Variants in ARMH3 observed in about 807,000 individuals in gnomAD.
ARMH3 encodes armadillo like helical domain containing 3.
ARMH3 carries 60 observed loss-of-function variants against 99.1 expected under a neutral mutation model. That is an observed-to-expected ratio of 0.61 (90% CI 0.49 to 0.75). ARMH3 has a LOEUF of 0.75. ARMH3 is among the 30% of genes least tolerant of loss of function. ARMH3 has a pLI of 0.00. For synonymous variants in ARMH3, 285 were observed against 292.8 expected (o/e 0.97, Z 0.27); for missense variants, 679 against 843.1 (o/e 0.81, Z 2.41).
At chr10:101,856,798 G>A (rs2066747617) in intron 24 of ARMH3, among the ~76,000 whole-genome samples, 1 of 152,168 alleles carries the variant, frequency 6.6e-6, no homozygotes, top group South Asian at 2.1e-4. Context: ...ATCAAACTCT[G>A]AAAACACAAA....
At chr10:102,006,180 T>G (rs138949693) in intron 14 of ARMH3, among the ~76,000 whole-genome samples, 1 of 152,340 alleles carries the variant, frequency 6.6e-6, no homozygotes, top group Non-Finnish European at 1.5e-5. Context: ...TTCATTTCAG[T>G]GCTTTATAAT....
chr10:101,944,586 G>A (rs1281026997), intron 22 of ARMH3, among the ~76,000 whole-genome samples: 1 of 152,018 alleles, frequency 6.6e-6, no homozygotes, highest in Non-Finnish European at 1.5e-5. Flanking sequence ...GGCTGAGGCG[G>A]GTGGATCACC....
At chr10:101,884,364 A>G (rs1410450197) in intron 24 of ARMH3, among the ~76,000 whole-genome samples, 1 of 152,146 alleles carries the variant, frequency 6.6e-6, no homozygotes, top group Non-Finnish European at 1.5e-5. Flanking sequence ...TCTACCAGGT[A>G]GGGATGCATG....
chr10:102,048,172 G>A (rs989134370), intron 1 of ARMH3, among the ~76,000 whole-genome samples: 3 of 152,170 alleles, frequency 2.0e-5, no homozygotes, highest in South Asian at 2.1e-4. Flanking sequence ...TAAAAAGGGC[G>A]TTGAAGCAAC....
At chr10:101,866,577 A>T (rs2067010210) in intron 24 of ARMH3, among the ~76,000 whole-genome samples, 1 of 152,134 alleles carries the variant, frequency 6.6e-6, no homozygotes, top group South Asian at 2.1e-4. Flanking sequence ...ATTTTTTGCA[A>T]AATACCTTTT....
At chr10:101,848,491 G>A (rs1239732013) in intron 25 of ARMH3, among the ~76,000 whole-genome samples, 1 of 149,080 alleles carries the variant, frequency 6.7e-6, no homozygotes, top group Non-Finnish European at 1.5e-5. Flanking sequence ...AACAAAAAGG[G>A]GAAGGAGGAG....
At chr10:101,979,141 A>T (rs1846130350) in intron 19 of ARMH3, among the ~76,000 whole-genome samples, 1 of 151,992 alleles carries the variant, frequency 6.6e-6, no homozygotes, top group Non-Finnish European at 1.5e-5. Flanking sequence ...CTCTAGAAAA[A>T]ATAAAAATAA....
chr10:101,869,296 A>C (rs2067079428), intron 24 of ARMH3, among the ~76,000 whole-genome samples: 1 of 152,176 alleles, frequency 6.6e-6, no homozygotes, highest in African/African-American at 2.4e-5. Flanking sequence ...AAACAACTCA[A>C]CAACAAGGGA....
intron 20 of ARMH3, among the ~76,000 whole-genome samples, chr10:101,960,043 C>T (rs935070600): frequency 3.9e-5 from 6 of 152,008 alleles, no homozygotes; most frequent in African/African-American, 7.3e-5. Flanking sequence ...CTGGGCGTGG[C>T]GGTGTGCGCC....
Position 101,895,441 on chromosome 10 carries a change from G to A in ARMH3, c.1782-5951C>T, listed in dbSNP as rs367914801. The stretch of plus-strand genomic sequence containing the variant: ...ACTACAGGCGCCCGCCACCACGCCC[G>A]GCTAATTTTTTGTATTTTTAGTAGA... On this transcript the variant is annotated intron_variant, in intron 23 of 25. Transcript: ENST00000370033. Among the ~76,000 whole-genome samples the A allele has an allele frequency of 1.6e-4, 25 of 152,006 alleles. No individual in the cohort carries two copies. In the South Asian group the frequency reaches 3.1e-3, roughly 19 times the overall value.
chr10:101,975,413 A>C, intron 19 of ARMH3, 113 bp from the exon 20 acceptor site: 1 of 706,460 alleles, frequency 1.4e-6, no homozygotes, highest in Non-Finnish European at 2.5e-6. Context: ...ACTGGATATG[A>C]ATATGTATAC....
chr10:101,875,923 T>C (rs2067250113), intron 24 of ARMH3, among the ~76,000 whole-genome samples: 1 of 152,104 alleles, frequency 6.6e-6, no homozygotes, highest in South Asian at 2.1e-4. Context: ...CTAATGGGGC[T>C]GGGGAAACAT....
Position 102,009,995 on chromosome 10 carries a change from T to A in ARMH3, c.860A>T (p.His287Leu). 1 of 1,614,060 alleles carries A rather than the reference T, an allele frequency of 6.2e-7. No individual in the cohort carries two copies. The highest frequency in any genetic ancestry group is 8.5e-7 in the Non-Finnish European group (1 of 1,179,962). Reference protein sequence around the residue: ...MVGSMFIADAHEKISVQTNEA... With the variant: ...MVGSMFIADALEKISVQTNEA... ...CACTTACTGTACTGAGATTTTCTCATGGGCATCTGCTATGAACATGCTGCC... is the reference window on the plus strand; with the variant it reads ...CACTTACTGTACTGAGATTTTCTCAAGGGCATCTGCTATGAACATGCTGCC... Residue 287 changes from histidine (H) to leucine (L), a missense_variant, in exon 12 of 26, where the codon CAT becomes CTT. His to Leu is a moderately conservative substitution (Grantham distance 99). Coordinates refer to ENST00000370033, the MANE Select transcript of ARMH3 (RefSeq NM_024541.3).
At chr10:101,977,548 AAC>A (rs1389646375) in intron 19 of ARMH3, among the ~76,000 whole-genome samples, 2 of 152,230 alleles carry the variant, frequency 1.3e-5, no homozygotes, top group Non-Finnish European at 2.9e-5. Flanking sequence ...AGATGATAAA[AAC>A]AGTGTCCTTT....
chr10:101,869,911 T>C (rs1409506805), intron 24 of ARMH3, among the ~76,000 whole-genome samples: 3 of 152,172 alleles, frequency 2.0e-5, no homozygotes, highest in Non-Finnish European at 2.9e-5. Flanking sequence ...CGGAAGCCTG[T>C]AGTCCCAGAT....
chr10:101,888,394 A>T (rs1277015719), intron 24 of ARMH3, among the ~76,000 whole-genome samples: 2 of 152,220 alleles, frequency 1.3e-5, no homozygotes, highest in Admixed American at 1.3e-4. Context: ...GTCAAAGGGA[A>T]CAACTGACAG....
At chr10:102,052,319 G>A (rs1458522280) in intron 1 of ARMH3, among the ~76,000 whole-genome samples, 1 of 151,966 alleles carries the variant, frequency 6.6e-6, no homozygotes, top group East Asian at 1.9e-4. Context: ...AACCTCCTGG[G>A]CTTACACGAC....
At chr10:102,009,013 C>T (rs2066571546) in intron 13 of ARMH3, among the ~76,000 whole-genome samples, 1 of 152,110 alleles carries the variant, frequency 6.6e-6, no homozygotes. Flanking sequence ...TATTTTATCT[C>T]CAGTTGTAAT....
intron 11 of ARMH3, among the ~76,000 whole-genome samples, chr10:102,011,181 C>G (rs995011526): frequency 2.0e-5 from 3 of 152,092 alleles, no homozygotes; most frequent in Non-Finnish European, 4.4e-5. Flanking sequence ...CCCTAAAATT[C>G]AGACCTCTAA....
Sources: gnomAD v4.1 joint callset for allele counts (sites outside exome capture counted in the v4.1 genomes callset) on GRCh38, gnomAD v4.1.1 for gene constraint, MANE v1.5 for transcripts, NCBI Gene and HGNC (gene_info 2026-07-23, HGNC 2026-07-21) for gene names.